PCDH7: variants seen among roughly 807,000 people sequenced by gnomAD.
The protein encoded by PCDH7 is protocadherin-7.
PCDH7 carries 17 observed loss-of-function variants against 58.9 expected under a neutral mutation model. The ratio of observed to expected loss-of-function variants is 0.29; its 90% CI spans 0.20 to 0.43. The LOEUF (loss-of-function observed/expected upper bound fraction) is 0.43, where lower values mean the gene tolerates loss of function less well. Among genes scored for constraint, PCDH7 ranks in the 20% least tolerant of loss-of-function variants. The pLI, the probability that PCDH7 is intolerant of heterozygous loss-of-function variation, is 1.00. For missense variants in PCDH7, 1,274 were observed against 1,441.0 expected (o/e 0.88, Z 1.88); for synonymous variants, 664 against 616.4 (o/e 1.08, Z -1.14).
At chr4:30,933,453 C>A (rs1230471506) in intron 2 of PCDH7, among the ~76,000 whole-genome samples, 1 of 152,170 alleles carries the variant, frequency 6.6e-6, no homozygotes, top group African/African-American at 2.4e-5. Context: ...CCGCTACTAA[C>A]CACAATCTTG....
intron 1 of PCDH7, among the ~76,000 whole-genome samples, chr4:30,859,242 A>G (rs1028824708): frequency 2.6e-5 from 4 of 152,166 alleles, no homozygotes; most frequent in South Asian, 2.1e-4. Context: ...TTAAGGGTCA[A>G]TATATGATAA....
chr4:30,859,734 C>T (rs979325047), intron 1 of PCDH7, among the ~76,000 whole-genome samples: 19 of 152,036 alleles, frequency 1.2e-4, no homozygotes, highest in African/African-American at 2.2e-4. Flanking sequence ...GCCACCATGC[C>T]GGGCCAGCTC....
In PCDH7 at chr4:31,022,860, C is replaced by G. The variant is rs550677347; in HGVS notation, c.*7+72645C>G. On this transcript the variant is annotated intron_variant, in intron 3 of 3. Transcript: ENST00000509759. Reference sequence around the variant, plus strand: ...TGACTAAGTGTCATAAGCTGCTGTGCAAGGTAGAATAATACGGTGAGTGTG... The same window carrying G: ...TGACTAAGTGTCATAAGCTGCTGTGGAAGGTAGAATAATACGGTGAGTGTG... Among the ~76,000 whole-genome samples the G allele has an allele frequency of 2.6e-5, 4 of 151,892 alleles. No homozygotes were observed. In the South Asian group the frequency reaches 8.3e-4, roughly 32 times the overall value.
intron 1 of PCDH7, among the ~76,000 whole-genome samples, chr4:30,757,188 T>C (rs1054263709): frequency 4.6e-5 from 7 of 152,212 alleles, no homozygotes; most frequent in Non-Finnish European, 7.3e-5. Flanking sequence ...GTGTAATGTG[T>C]GCAAAGTCAA....
At chr4:30,728,708 A>C (rs1242906675) in intron 1 of PCDH7, among the ~76,000 whole-genome samples, 1 of 151,812 alleles carries the variant, frequency 6.6e-6, no homozygotes, top group Non-Finnish European at 1.5e-5. Flanking sequence ...TTAATGACTT[A>C]GATGTAAGAC....
At chr4:30,913,621 G>T (rs1742057659) in intron 1 of PCDH7, among the ~76,000 whole-genome samples, 1 of 152,100 alleles carries the variant, frequency 6.6e-6, no homozygotes, top group Admixed American at 6.6e-5. Flanking sequence ...CAATCATAGA[G>T]ATGCAATTTT....
chr4:30,847,878 T>C (rs990103198), intron 1 of PCDH7, among the ~76,000 whole-genome samples: 3 of 152,130 alleles, frequency 2.0e-5, no homozygotes, highest in African/African-American at 7.2e-5. Context: ...TCTCTAAACC[T>C]AGTAATATAT....
At chr4:30,991,119 G>A (rs4621392) in intron 3 of PCDH7, among the ~76,000 whole-genome samples, 7,398 of 152,086 alleles carry the variant, frequency 0.049, 403 homozygotes, top group East Asian at 0.3. Context: ...TTTTCAAAAA[G>A]CCATCTATTT....
At chr4:30,771,431 G>T (rs532817534) in intron 1 of PCDH7, among the ~76,000 whole-genome samples, 1 of 152,262 alleles carries the variant, frequency 6.6e-6, no homozygotes, top group Admixed American at 6.5e-5. Context: ...TTTGATTCTA[G>T]GATCTGGGTA....
chr4:31,053,826 A>T (rs1043317868), intron 3 of PCDH7, among the ~76,000 whole-genome samples: 4 of 152,038 alleles, frequency 2.6e-5, no homozygotes, highest in African/African-American at 9.7e-5. Flanking sequence ...TTCCCATACC[A>T]TTTAACAAAG....
rs1453408897 is a variant in PCDH7 at position 30,894,532 on chromosome 4, C to T, written c.71-25621C>T. ...ATATATATATACACACACACACACA[C>T]ACACACACACACACACACACACACA... On this transcript the variant is annotated intron_variant, in intron 1 of 3. Coordinates refer to the PCDH7 transcript ENST00000509759. Among the ~76,000 whole-genome samples the T allele has an allele frequency of 6.6e-3, 672 of 101,226 alleles. 6 individuals are homozygous for T. Among genetic ancestry groups the T allele is most frequent in the African/African-American group, 0.027 (632 of 23,130 alleles). 66.4% of individuals were successfully genotyped at this position (101,226 alleles called of 152,430 possible). A position where few individuals can be genotyped will look rare whatever the true frequency, so the allele number is the denominator to read the frequency against.
chr4:30,754,173 TG>T (rs1718956624), intron 1 of PCDH7, among the ~76,000 whole-genome samples: 1 of 139,712 alleles, frequency 7.2e-6, no homozygotes, highest in Non-Finnish European at 1.5e-5. Context: ...TGTGTGTGTG[TG>T]TGTGTGTGTG....
At chr4:30,928,622 G>C (rs926337967) in intron 2 of PCDH7, among the ~76,000 whole-genome samples, 3 of 152,166 alleles carry the variant, frequency 2.0e-5, no homozygotes, top group African/African-American at 7.2e-5. Context: ...GAAGTTCAGA[G>C]TGGTGTGAGG....
rs1744383073 is a variant in PCDH7, at chr4:30,930,101, G to A, written c.287+9732G>A. Among the ~76,000 whole-genome samples, 3 of 152,178 alleles carry A rather than the reference G, an allele frequency of 2.0e-5. No individual in the cohort carries two copies. In the South Asian group the frequency reaches 6.2e-4, roughly 32 times the overall value. On this transcript the variant is annotated intron_variant, in intron 2 of 3. Transcript: ENST00000509759. ...GCGTGTACAGATTTGATGTTTAAAA[G>A]TAAAGGCATGAGAGGCATTATATGG...
chr4:30,801,020 T>A (rs1725462564), intron 1 of PCDH7, among the ~76,000 whole-genome samples: 1 of 152,194 alleles, frequency 6.6e-6, no homozygotes, highest in Admixed American at 6.5e-5. Flanking sequence ...GGGATGCTTG[T>A]CAGGGGACTA....
chr4:31,118,387 C>T (rs1012203985), intron 3 of PCDH7, among the ~76,000 whole-genome samples: 4 of 151,970 alleles, frequency 2.6e-5, no homozygotes, highest in African/African-American at 9.7e-5. Context: ...TAAACAATTC[C>T]CAACTAACAT....
At chr4:30,768,201 G>A (rs1720986114) in intron 1 of PCDH7, among the ~76,000 whole-genome samples, 1 of 149,902 alleles carries the variant, frequency 6.7e-6, no homozygotes, top group Non-Finnish European at 1.5e-5. Flanking sequence ...TAAAGATCTA[G>A]CAGTTGTATC....
intron 1 of PCDH7, among the ~76,000 whole-genome samples, chr4:30,794,962 C>T (rs905916196): frequency 2.0e-5 from 3 of 152,056 alleles, no homozygotes; most frequent in Non-Finnish European, 2.9e-5. Context: ...AGTGATCTTT[C>T]AATTTAAATC....
intron 3 of PCDH7, among the ~76,000 whole-genome samples, chr4:30,998,592 T>C (rs1164436428): frequency 6.6e-6 from 1 of 152,124 alleles, no homozygotes; most frequent in South Asian, 2.1e-4. Flanking sequence ...CCCAGAACAA[T>C]TGAATCAGAA....
Sources: gnomAD v4.1 joint callset for allele counts (sites outside exome capture counted in the v4.1 genomes callset) on GRCh38, gnomAD v4.1.1 for gene constraint, MANE v1.5 for transcripts, NCBI Gene and HGNC (gene_info 2026-07-23, HGNC 2026-07-21) for gene names.